RAPGEF6: variants seen among roughly 807,000 people sequenced by gnomAD.
RAPGEF6 encodes the protein PDZ domain containing guanine nucleotide exchange factor (GEF) 2.
In RAPGEF6, 56 loss-of-function variants were observed where a neutral mutation model predicts 171.4. The observed-to-expected ratio is 0.33, with a 90% CI of 0.26 to 0.41. RAPGEF6 has a LOEUF of 0.41. RAPGEF6 is among the 10% of genes least tolerant of loss of function. RAPGEF6 has a pLI of 1.00. For missense variants in RAPGEF6, 1,674 were observed against 1,921.4 expected (o/e 0.87, Z 2.41); for synonymous variants, 692 against 650.1 (o/e 1.06, Z -0.98).
chr5:131,549,780 G>C (rs1435683691), intron 5 of RAPGEF6, among the ~76,000 whole-genome samples: 1 of 152,024 alleles, frequency 6.6e-6, no homozygotes, highest in African/African-American at 2.4e-5. Flanking sequence ...AGGTAAACTT[G>C]TGTCATGGGA....
intron 6 of RAPGEF6, among the ~76,000 whole-genome samples, chr5:131,523,009 G>A (rs1441461873): frequency 6.6e-6 from 1 of 152,108 alleles, no homozygotes; most frequent in African/African-American, 2.4e-5. Context: ...GTCATCCTAG[G>A]TCTCAATTAA....
At chr5:131,624,204 A>G (rs1561617413) in intron 1 of RAPGEF6, among the ~76,000 whole-genome samples, 1 of 152,238 alleles carries the variant, frequency 6.6e-6, no homozygotes, top group Non-Finnish European at 1.5e-5. Flanking sequence ...TCCCAAAAAG[A>G]TATTCAATCC....
chr5:131,482,966 T>C (rs552727702), intron 15 of RAPGEF6, among the ~76,000 whole-genome samples: 36 of 152,354 alleles, frequency 2.4e-4, no homozygotes, highest in African/African-American at 8.2e-4. Context: ...TGCTAAAGTA[T>C]TGAAATTTTC....
chr5:131,444,842 A>T (rs978259161), intron 22 of RAPGEF6, among the ~76,000 whole-genome samples: 13 of 152,226 alleles, frequency 8.5e-5, no homozygotes, highest in African/African-American at 3.1e-4. Flanking sequence ...GACTCAAAGC[A>T]GGGCCAGAAA....
chr5:131,514,563 C>A (rs1757952471), intron 7 of RAPGEF6, among the ~76,000 whole-genome samples: 1 of 151,822 alleles, frequency 6.6e-6, no homozygotes, highest in African/African-American at 2.4e-5. Flanking sequence ...AAGTAAGAGA[C>A]AAGAACTTTC....
intron 1 of RAPGEF6, among the ~76,000 whole-genome samples, chr5:131,608,827 G>A (rs759864107): frequency 6.1e-5 from 9 of 148,720 alleles, no homozygotes; most frequent in South Asian, 2.1e-4. Flanking sequence ...TTTTTTTTTC[G>A]CAGCATCAGC....
intron 7 of RAPGEF6, among the ~76,000 whole-genome samples, chr5:131,512,812 C>T (rs1757825420): frequency 6.6e-6 from 1 of 152,158 alleles, no homozygotes; most frequent in Non-Finnish European, 1.5e-5. Context: ...CCTGAGGGAG[C>T]TCATTCTCCC....
At chr5:131,568,412 C>A (rs1325767799) in intron 4 of RAPGEF6, among the ~76,000 whole-genome samples, 4 of 151,862 alleles carry the variant, frequency 2.6e-5, no homozygotes, top group Non-Finnish European at 4.4e-5. Flanking sequence ...CTCACTGCAG[C>A]CTAAAACTCC....
intron 22 of RAPGEF6, among the ~76,000 whole-genome samples, chr5:131,445,546 T>C (rs1200349371): frequency 1.3e-5 from 2 of 149,916 alleles, no homozygotes; most frequent in East Asian, 3.9e-4. Context: ...TGAGTCTCAC[T>C]TTGTAAATTT....
At chr5:131,427,741 A>G (rs1335018498) in intron 27 of RAPGEF6, among the ~76,000 whole-genome samples, 2 of 152,194 alleles carry the variant, frequency 1.3e-5, no homozygotes, top group East Asian at 3.8e-4. Context: ...TTCATCAAAG[A>G]TAAGAATATT....
At chr5:131,448,456 C>T (rs1279234073) in intron 21 of RAPGEF6, among the ~76,000 whole-genome samples, 1 of 152,052 alleles carries the variant, frequency 6.6e-6, no homozygotes, top group Non-Finnish European at 1.5e-5. Flanking sequence ...CAGTGATTTT[C>T]CTTAGTAGTA....
chr5:131,495,696 A>C (rs772165863), intron 12 of RAPGEF6, 36 bp from the exon 13 acceptor site: 2 of 1,590,570 alleles, frequency 1.3e-6, no homozygotes, highest in Non-Finnish European at 1.7e-6. Context: ...TATGGTTATA[A>C]GAGGCATTCC....
At chr5:131,516,572 A>C (rs2149902493) in intron 7 of RAPGEF6, among the ~76,000 whole-genome samples, 1 of 152,314 alleles carries the variant, frequency 6.6e-6, no homozygotes, top group East Asian at 1.9e-4. Context: ...GTGGTGGATA[A>C]ATGTGTGTCT....
intron 4 of RAPGEF6, among the ~76,000 whole-genome samples, chr5:131,586,835 T>C (rs528222716): frequency 6.6e-6 from 1 of 152,308 alleles, no homozygotes; most frequent in East Asian, 1.9e-4. Context: ...AGTGCATCAA[T>C]TTGGAATGCA....
At chr5:131,485,906 A>G (rs1389064166) in intron 15 of RAPGEF6, among the ~76,000 whole-genome samples, 1 of 152,232 alleles carries the variant, frequency 6.6e-6, no homozygotes, top group African/African-American at 2.4e-5. Flanking sequence ...TCTGGCTCAT[A>G]CTGACTTTTA....
chr5:131,516,891 A>C (rs539143693), intron 7 of RAPGEF6, among the ~76,000 whole-genome samples: 1 of 152,130 alleles, frequency 6.6e-6, no homozygotes, highest in Non-Finnish European at 1.5e-5. Context: ...AGTTTCTTTG[A>C]GGGCCAAGGG....
chr5:131,553,843 C>T (rs1761059980), intron 5 of RAPGEF6, among the ~76,000 whole-genome samples: 1 of 150,054 alleles, frequency 6.7e-6, no homozygotes, highest in Non-Finnish European at 1.5e-5. Flanking sequence ...AAGATAAATC[C>T]AGAAGACTTA....
rs191458241 is a variant in RAPGEF6, at chr5:131,587,636, C to T, written c.281+4747G>A. Among the ~76,000 whole-genome samples, 13 of 152,006 alleles carry T rather than the reference C, an allele frequency of 8.6e-5. No individual in the cohort carries two copies. In the East Asian group the frequency reaches 1.6e-3, roughly 18 times the overall value. On this transcript the variant is annotated intron_variant, in intron 4 of 27. Transcript: ENST00000509018. ...TACTCCAAAATATGGTGCTTTGGCA[C>T]GGTGAGTTCTTTAAAGGATATTGAA...
intron 5 of RAPGEF6, among the ~76,000 whole-genome samples, chr5:131,551,440 C>T (rs1221525507): frequency 2.7e-5 from 4 of 147,710 alleles, no homozygotes; most frequent in African/African-American, 5.0e-5. Flanking sequence ...TCAAACCGGG[C>T]GGCAGAGGTT....
Sources: gnomAD v4.1 joint callset for allele counts (sites outside exome capture counted in the v4.1 genomes callset) on GRCh38, gnomAD v4.1.1 for gene constraint, MANE v1.5 for transcripts, NCBI Gene and HGNC (gene_info 2026-07-23, HGNC 2026-07-21) for gene names.